Variants in TPTE2 observed in about 807,000 individuals in gnomAD.
TPTE2 encodes the protein transmembrane phosphoinositide 3-phosphatase and tensin homolog 2, also known as phosphatidylinositol 3,4,5-trisphosphate 3-phosphatase TPTE2.
In TPTE2, 53 loss-of-function variants were observed where a neutral mutation model predicts 78.6. The observed-to-expected ratio is 0.67, with a 90% CI of 0.54 to 0.85. TPTE2 has a LOEUF of 0.85. Among genes scored for constraint, TPTE2 ranks in the 40% least tolerant of loss-of-function variants. The probability of loss-of-function intolerance (pLI) is 0.00; values close to 1 mark genes in which losing one functional copy is unlikely to be tolerated. For synonymous variants in TPTE2, 175 were observed against 206.2 expected (o/e 0.85, Z 1.30); for missense variants, 461 against 623.0 (o/e 0.74, Z 2.77).
At chr13:19,431,640 G>C (rs1265449732) in intron 16 of TPTE2, among the ~76,000 whole-genome samples, 2 of 151,512 alleles carry the variant, frequency 1.3e-5, no homozygotes, top group Non-Finnish European at 1.5e-5. Flanking sequence ...AGAAATCACA[G>C]TTTCTTGCCT....
intron 1 of TPTE2, among the ~76,000 whole-genome samples, chr13:19,517,592 A>G (rs1869883780): frequency 6.6e-6 from 1 of 152,204 alleles, no homozygotes; most frequent in Non-Finnish European, 1.5e-5. Flanking sequence ...ATGAGAGGAC[A>G]GCATTAGCCA....
At chr13:19,425,428 G>T (rs1184863543) in intron 18 of TPTE2, among the ~76,000 whole-genome samples, 2 of 152,170 alleles carry the variant, frequency 1.3e-5, no homozygotes, top group African/African-American at 4.8e-5. Flanking sequence ...GATCTCAGAA[G>T]CGGGGTTCAG....
At chr13:19,467,368 AAAAG>A (rs756693434) in intron 6 of TPTE2, 24 bp from the exon 10 acceptor site, 35 of 1,465,062 alleles carry the variant, frequency 2.4e-5, no homozygotes, top group Non-Finnish European at 3.0e-5. Flanking sequence ...AAAAAAAAAA[AAAAG>A]TTCATTTCCC....
chr13:19,515,080 A>G (rs1869711408), intron 1 of TPTE2, among the ~76,000 whole-genome samples: 1 of 152,242 alleles, frequency 6.6e-6, no homozygotes, highest in Non-Finnish European at 1.5e-5. Context: ...TGCCATAAAA[A>G]TCAGTATGTG....
chr13:19,497,639 A>C (rs1881460477), intron 1 of TPTE2, among the ~76,000 whole-genome samples: 1 of 134,012 alleles, frequency 7.5e-6, no homozygotes, highest in African/African-American at 2.6e-5. Context: ...CCACACCAAA[A>C]ACCCATCTGT....
chr13:19,554,675 T>C, the TPTE2 span, among the ~76,000 whole-genome samples: 1 of 152,206 alleles, frequency 6.6e-6, no homozygotes. Flanking sequence ...GATCTATCCT[T>C]CAGCTTACCT....
the TPTE2 span, among the ~76,000 whole-genome samples, chr13:19,551,172 A>T: frequency 1.3e-5 from 2 of 152,350 alleles, no homozygotes; most frequent in East Asian, 3.9e-4. Flanking sequence ...GGTTGGTACA[A>T]CTTAAAAAGG....
intron 1 of TPTE2, among the ~76,000 whole-genome samples, chr13:19,495,391 C>T (rs552785999): frequency 4.6e-5 from 7 of 152,174 alleles, no homozygotes; most frequent in African/African-American, 1.4e-4. Context: ...AAGCAGGATT[C>T]GCTTCTCCCT....
intron 1 of TPTE2, among the ~76,000 whole-genome samples, chr13:19,495,337 G>A (rs2451083): frequency 0.19 from 28,572 of 152,146 alleles, 3,689 homozygotes; most frequent in African/African-American, 0.36. Flanking sequence ...TGTTTTGGCT[G>A]GGATTTTTCT....
chr13:19,477,027 A>G (rs1239242552), intron 4 of TPTE2, among the ~76,000 whole-genome samples: 1 of 152,110 alleles, frequency 6.6e-6, no homozygotes, highest in African/African-American at 2.4e-5. Context: ...AATACTATGC[A>G]GCCATAAAAA....
chr13:19,491,422 C>T (rs905710909), intron 3 of TPTE2, among the ~76,000 whole-genome samples: 1 of 152,118 alleles, frequency 6.6e-6, no homozygotes, highest in African/African-American at 2.4e-5. Flanking sequence ...GCAAATCCTA[C>T]CACATAAGCC....
upstream of TPTE2, among the ~76,000 whole-genome samples, chr13:19,539,644 T>C (rs1871381979): frequency 6.6e-6 from 1 of 152,182 alleles, no homozygotes; most frequent in African/African-American, 2.4e-5. Context: ...AATATTCTAT[T>C]TCTGTGTTCT....
At chr13:19,509,522 T>G (rs1869293160) in intron 1 of TPTE2, among the ~76,000 whole-genome samples, 1 of 152,058 alleles carries the variant, frequency 6.6e-6, no homozygotes, top group Non-Finnish European at 1.5e-5. Flanking sequence ...AATGGAAAAA[T>G]TCCTAGACAA....
intron 1 of TPTE2, among the ~76,000 whole-genome samples, chr13:19,523,094 G>A (rs115321793): frequency 0.025 from 3,850 of 152,190 alleles, 127 homozygotes; most frequent in African/African-American, 0.074. Context: ...GTCTTCCTTG[G>A]ACCTCCTAGT....
intron 13 of TPTE2, among the ~76,000 whole-genome samples, chr13:19,439,213 C>CA (rs1412402357): frequency 1.3e-5 from 2 of 152,074 alleles, no homozygotes; most frequent in Non-Finnish European, 2.9e-5. Flanking sequence ...GAGCTCCTCC[C>CA]AATAAACAAG....
chr13:19,495,647 T>C (rs373936773), intron 1 of TPTE2, among the ~76,000 whole-genome samples: 11 of 152,332 alleles, frequency 7.2e-5, no homozygotes, highest in African/African-American at 2.6e-4. Context: ...TGCATGTATG[T>C]ATGTGTTTGT....
chr13:19,533,560 A>C (rs756244049), intron 1 of TPTE2, among the ~76,000 whole-genome samples: 3 of 152,210 alleles, frequency 2.0e-5, no homozygotes, highest in Non-Finnish European at 2.9e-5. Context: ...CCATTGTGGC[A>C]CTGGAGTTCT....
chr13:19,516,309 T>C (rs896468041), intron 1 of TPTE2, among the ~76,000 whole-genome samples: 1 of 152,216 alleles, frequency 6.6e-6, no homozygotes, highest in Admixed American at 6.5e-5. Context: ...GCAAGCTTTC[T>C]GCACTTTAGG....
At chr13:19,454,427 T>C (rs1878406682) in intron 10 of TPTE2, among the ~76,000 whole-genome samples, 2 of 152,212 alleles carry the variant, frequency 1.3e-5, no homozygotes, top group South Asian at 2.1e-4. Context: ...CTGTTATCAC[T>C]GAACATGCAA....
Sources: gnomAD v4.1 joint callset for allele counts (sites outside exome capture counted in the v4.1 genomes callset) on GRCh38, gnomAD v4.1.1 for gene constraint, MANE v1.5 for transcripts, NCBI Gene and HGNC (gene_info 2026-07-23, HGNC 2026-07-21) for gene names.